Variants in ACAT2 observed in about 807,000 individuals in gnomAD.
ACAT2 encodes the protein acetyl-CoA acetyltransferase, cytosolic.
Under a neutral mutation model 37.1 loss-of-function variants are expected in ACAT2, and 26 were observed. The ratio of observed to expected loss-of-function variants is 0.70; its 90% CI spans 0.51 to 0.97. The LOEUF (loss-of-function observed/expected upper bound fraction) is 0.97, where lower values mean the gene tolerates loss of function less well. Among genes scored for constraint, ACAT2 ranks in the 50% least tolerant of loss-of-function variants. The pLI, the probability that ACAT2 is intolerant of heterozygous loss-of-function variation, is 0.00. For synonymous variants in ACAT2, 156 were observed against 163.6 expected, an observed-to-expected ratio of 0.95 and a Z score of 0.35; for missense variants, 468 against 489.0, an observed-to-expected ratio of 0.96 and a Z score of 0.40.
chr6:159,768,421 CT>C, intron 3 of ACAT2, 89 bp from the exon 4 acceptor site: 1 of 983,730 alleles, frequency 1.0e-6, no homozygotes. Flanking sequence ...TAGATGAAGA[CT>C]TAGGAAATAC....
intron 4 of ACAT2, among the ~76,000 whole-genome samples, chr6:159,771,320 C>G (rs191402898): frequency 6.6e-6 from 1 of 152,104 alleles, no homozygotes; most frequent in African/African-American, 2.4e-5. Flanking sequence ...GCGGAGGTTG[C>G]GTTGAGCTGA....
At position 159,778,421 on chromosome 6, in the gene ACAT2, GT is replaced by G. The variant is rs771845764; in HGVS notation, c.1023+144del. On this transcript the variant is annotated intron_variant, in intron 8 of 8. Transcript: ENST00000367048. ...AGGACTGAGTTCATTACTTCCCAAGGTTTAAAAAAAAAAAAAAAAAAAAAAA... is the reference window on the plus strand; with the variant it reads ...AGGACTGAGTTCATTACTTCCCAAGGTTAAAAAAAAAAAAAAAAAAAAAAA... The G allele has an allele frequency of 7.3e-3, 2,556 of 352,148 alleles. 27 individuals carry two copies. The highest frequency in any genetic ancestry group is 0.028 in the African/African-American group (817 of 29,296). The allele number at this position is 352,148 out of a possible 1,614,324, so 21.8% of individuals were successfully genotyped here. A position where few individuals can be genotyped will look rare whatever the true frequency, so the allele number is the denominator to read the frequency against.
At chr6:159,769,717 T>C (rs189081167) in intron 4 of ACAT2, among the ~76,000 whole-genome samples, 26 of 152,218 alleles carry the variant, frequency 1.7e-4, no homozygotes, top group Admixed American at 1.0e-3. Context: ...CTTCCCAAAC[T>C]GTGTTATGGA....
At chr6:159,778,422 TTTAA>T (rs1304675527) in intron 8 of ACAT2, 142 bp downstream of exon 8, 9,949 of 430,944 alleles carry the variant, frequency 0.023, 82 homozygotes, top group African/African-American at 0.054. Context: ...CTTCCCAAGG[TTTAA>T]AAAAAAAAAA....
At chr6:159,765,771 A>G (rs1780246869) in intron 2 of ACAT2, among the ~76,000 whole-genome samples, 2 of 152,080 alleles carry the variant, frequency 1.3e-5, no homozygotes, top group Admixed American at 1.3e-4. Flanking sequence ...TTTAATATGT[A>G]TATGATCCTG....
In ACAT2 at chr6:159,779,011, A is replaced by T. The variant is rs760229708; in HGVS notation, c.*182A>T. On this transcript the variant is annotated 3_prime_UTR_variant, in exon 9 of 9. Transcript: ENST00000367048. Reference sequence around the variant, plus strand: ...TCAACTCAAGGTACAAGACAATTGCATTTAACATTGTTATAAATAAAAGGA... The same window carrying T: ...TCAACTCAAGGTACAAGACAATTGCTTTTAACATTGTTATAAATAAAAGGA... The T allele has an allele frequency of 6.3e-7, 1 of 1,599,756 alleles. No homozygotes were observed. Among genetic ancestry groups the T allele is most frequent in the South Asian group, 1.1e-5 (1 of 89,940 alleles).
rs180703976 is a variant in ACAT2, at chr6:159,770,835, C to T, written c.490+2207C>T. Among the ~76,000 whole-genome samples, 608 of 152,142 alleles carry T rather than the reference C, an allele frequency of 4.0e-3. 3 individuals carry two copies. Among genetic ancestry groups the T allele is most frequent in the African/African-American group, 0.014 (574 of 41,500 alleles). On this transcript the variant is annotated intron_variant, in intron 4 of 8. Transcript: ENST00000367048. ...ATCCCAGCACTTTGGGAGGCCAAGC[C>T]GGGTAGATCATCTGAGGTCAGGAGT...
intron 1 of ACAT2, chr6:159,762,679 G>A (rs1057021268): frequency 6.7e-7 from 1 of 1,488,870 alleles, no homozygotes; most frequent in Non-Finnish European, 9.0e-7. Context: ...GAAATAGAAG[G>A]GCTACAGCGG....
At chr6:159,769,137 G>A (rs1319520083) in intron 4 of ACAT2, among the ~76,000 whole-genome samples, 1 of 152,196 alleles carries the variant, frequency 6.6e-6, no homozygotes, top group Non-Finnish European at 1.5e-5. Context: ...TAAGCACCTT[G>A]CTCAAATGCA....
intron 4 of ACAT2, among the ~76,000 whole-genome samples, chr6:159,770,099 A>C (rs1174394230): frequency 1.3e-5 from 2 of 152,266 alleles, no homozygotes; most frequent in African/African-American, 2.4e-5. Flanking sequence ...CTCTAGACCC[A>C]AACTAATAAG....
intron 4 of ACAT2, among the ~76,000 whole-genome samples, chr6:159,774,727 C>T (rs143337885): frequency 1.6e-4 from 25 of 152,272 alleles, no homozygotes; most frequent in South Asian, 1.2e-3. Flanking sequence ...AGGTGTGAGC[C>T]GCCACACTTG....
chr6:159,768,646 G>A lies in ACAT2; in HGVS notation c.490+18G>A. 2.6e-6 allele frequency: 4 copies of A among 1,542,454 alleles called. No individual in the cohort carries two copies. Among genetic ancestry groups the A allele is most frequent in the Non-Finnish European group, 3.6e-6 (4 of 1,115,086 alleles). Reference sequence around the variant, plus strand: ...TATTACAGGTAAGGCAGACATGGCTGAAACTGTATTAGCTTTAAAAAGGTT... The same window carrying A: ...TATTACAGGTAAGGCAGACATGGCTAAAACTGTATTAGCTTTAAAAAGGTT... On this transcript the variant is annotated intron_variant, in intron 4 of 8. Coordinates refer to ENST00000367048, the MANE Select transcript of ACAT2 (RefSeq NM_005891.3).
Position 159,775,238 on chromosome 6 carries a change from A to G in ACAT2, c.559A>G (p.Asn187Asp), listed in dbSNP as rs773999963. 6.2e-7 allele frequency: 1 copy of G among 1,614,142 alleles called. No individual in the cohort carries two copies. Among genetic ancestry groups the G allele is most frequent in the Non-Finnish European group, 8.5e-7 (1 of 1,179,976 alleles). The stretch of plus-strand genomic sequence containing the variant: ...GGACAAGGTTGCAGTTCTGTCCCAG[A>G]ACAGGACAGAGAATGCACAGAAAGC... ...DQDKVAVLSQNRTENAQKAGH... is the reference protein window; with the variant it reads ...DQDKVAVLSQDRTENAQKAGH... Residue 187 changes from asparagine (N) to aspartate (D), a missense_variant, in exon 5 of 9, where the codon AAC becomes GAC. Physicochemically the swap from Asn to Asp is conservative, Grantham distance 23. Coordinates refer to ENST00000367048, the MANE Select transcript of ACAT2 (RefSeq NM_005891.3).
chr6:159,765,703 T>C (rs1239782526), intron 2 of ACAT2, among the ~76,000 whole-genome samples: 5 of 151,886 alleles, frequency 3.3e-5, no homozygotes, highest in Non-Finnish European at 5.9e-5. Context: ...CCCAAAGTGC[T>C]GGGATTACAG....
chr6:159,766,638 T>A (rs1780260037), intron 2 of ACAT2, among the ~76,000 whole-genome samples: 1 of 152,154 alleles, frequency 6.6e-6, no homozygotes, highest in Non-Finnish European at 1.5e-5. Flanking sequence ...CGACCTCAGG[T>A]GATCTGCCCT....
Position 159,762,948 on chromosome 6 carries a change from C to G in ACAT2, c.85C>G (p.Pro29Ala), listed in dbSNP as rs555302845. The change falls in exon 2 of 9, where the codon CCT (proline) becomes GCT (alanine). Residue 29 changes from proline (P) to alanine (A), a missense_variant. By Grantham distance (27) the Pro-to-Ala change is conservative. Transcript: ENST00000367048. ...CTTCAATGGTGCCTTAGCTGCTGTT[C>G]CTGTCCAGGACCTGGGCTCCACTGT... ...GSFNGALAAV[P>A]VQDLGSTVIK... 1 of 1,613,762 alleles carries G rather than the reference C, an allele frequency of 6.2e-7. No individual in the cohort carries two copies. The highest frequency in any genetic ancestry group is 8.5e-7 in the Non-Finnish European group (1 of 1,179,818).
intron 2 of ACAT2, among the ~76,000 whole-genome samples, chr6:159,763,785 G>A (rs1478505504): frequency 6.0e-5 from 9 of 149,644 alleles, no homozygotes; most frequent in Admixed American, 3.3e-4. Flanking sequence ...GACTACAGGC[G>A]GCCCACTGCC....
At chr6:159,773,059 G>A (rs1359847716) in intron 4 of ACAT2, among the ~76,000 whole-genome samples, 2 of 151,954 alleles carry the variant, frequency 1.3e-5, no homozygotes, top group Admixed American at 6.6e-5. Context: ...TCACCATGTT[G>A]CCCAGGCTGG....
chr6:159,778,351 T>G, intron 8 of ACAT2, 71 bp downstream of exon 8: 1 of 1,120,298 alleles, frequency 8.9e-7, no homozygotes, highest in Non-Finnish European at 1.3e-6. Flanking sequence ...TAGTATCTTC[T>G]AGGTGTTGGC....
Sources: allele counts gnomAD v4.1 joint callset (sites outside exome capture counted in the v4.1 genomes callset), GRCh38; gene constraint gnomAD v4.1.1; transcripts MANE v1.5; gene names NCBI Gene and HGNC (gene_info 2026-07-23, HGNC 2026-07-21).